Variants in TMEM117 observed in about 807,000 individuals in gnomAD.
TMEM117 encodes transmembrane protein 117.
Under a neutral mutation model 52.4 loss-of-function variants are expected in TMEM117, and 27 were observed. That is an observed-to-expected ratio of 0.51 (90% confidence interval 0.38 to 0.71). TMEM117 has a LOEUF of 0.71. Among genes scored for constraint, TMEM117 ranks in the 30% least tolerant of loss-of-function variants. TMEM117 has a pLI of 0.00. For synonymous variants in TMEM117, 215 were observed against 206.3 expected (o/e 1.04, Z -0.36); for missense variants, 556 against 630.5 (o/e 0.88, Z 1.26).
intron 3 of TMEM117, among the ~76,000 whole-genome samples, chr12:43,963,758 G>A (rs1463220459): frequency 1.3e-5 from 2 of 152,186 alleles, no homozygotes; most frequent in East Asian, 1.9e-4. Context: ...GTCATTTGTG[G>A]TAATAGTCTA....
At chr12:44,305,631 C>T (rs1950894414) in intron 6 of TMEM117, among the ~76,000 whole-genome samples, 1 of 151,862 alleles carries the variant, frequency 6.6e-6, no homozygotes, top group African/African-American at 2.4e-5. Context: ...TCAGTCTGAC[C>T]TATTATAAAA....
intron 2 of TMEM117, among the ~76,000 whole-genome samples, chr12:43,933,476 C>G (rs961175100): frequency 6.6e-6 from 1 of 152,136 alleles, no homozygotes; most frequent in African/African-American, 2.4e-5. Context: ...GCTGGGATTA[C>G]AGGCGTGAGC....
intron 3 of TMEM117, among the ~76,000 whole-genome samples, chr12:44,114,439 C>G (rs142456127): frequency 3.9e-5 from 6 of 152,194 alleles, no homozygotes; most frequent in African/African-American, 9.6e-5. Flanking sequence ...TAGTATTGGA[C>G]AAATGGTAAA....
intron 2 of TMEM117, among the ~76,000 whole-genome samples, chr12:43,912,757 A>G (rs1484653540): frequency 3.3e-5 from 5 of 151,946 alleles, no homozygotes; most frequent in Non-Finnish European, 1.5e-5. Context: ...TTCAATTAAT[A>G]TATGTGTAGC....
rs575987707 is a variant in TMEM117, at chr12:43,875,052, G to A, written c.277+30124G>A. On this transcript the variant is annotated intron_variant, in intron 2 of 7. Transcript: ENST00000266534. ...ATACAAACTGTGTTAATTATCTTCC[G>A]TAAAAAACAGGTTAGCCTCTATAAT... is the stretch of plus-strand genomic sequence containing the variant. Among the ~76,000 whole-genome samples, 34 of 152,238 alleles carry A rather than the reference G, an allele frequency of 2.2e-4. 1 individual carries two copies. The Middle Eastern group carries it at 0.01, about 46-fold the overall frequency.
At chr12:44,168,579 C>T (rs76248179) in intron 4 of TMEM117, among the ~76,000 whole-genome samples, 2,277 of 152,080 alleles carry the variant, frequency 0.015, 52 homozygotes, top group East Asian at 0.077. Flanking sequence ...TTTCTTGTGT[C>T]GGGCTATTCT....
chr12:44,236,367 C>G (rs1374470739), intron 5 of TMEM117, among the ~76,000 whole-genome samples: 1 of 152,002 alleles, frequency 6.6e-6, no homozygotes. Flanking sequence ...TTCTCCTAGC[C>G]TATTTCTAGT....
chr12:44,151,690 G>T (rs1304759176), intron 4 of TMEM117, among the ~76,000 whole-genome samples: 1 of 150,370 alleles, frequency 6.7e-6, no homozygotes, highest in East Asian at 1.9e-4. Context: ...TGTTAATATA[G>T]GCTCATATTA....
intron 6 of TMEM117, among the ~76,000 whole-genome samples, chr12:44,368,296 A>G (rs1592722505): frequency 6.6e-6 from 1 of 152,182 alleles, no homozygotes; most frequent in South Asian, 2.1e-4. Context: ...TTATCTTGCT[A>G]TTTTCTGTTT....
chr12:44,167,862 C>T (rs1236863258), intron 4 of TMEM117, among the ~76,000 whole-genome samples: 3 of 152,138 alleles, frequency 2.0e-5, no homozygotes, highest in African/African-American at 7.2e-5. Flanking sequence ...CAGTGCCCAG[C>T]ACAGTCAGAA....
chr12:44,201,690 A>C (rs1256312353), intron 4 of TMEM117, among the ~76,000 whole-genome samples: 2 of 152,190 alleles, frequency 1.3e-5, no homozygotes, highest in Admixed American at 1.3e-4. Flanking sequence ...CAGTTTCTTA[A>C]GGAAAAAATG....
chr12:44,347,846 G>A (rs1169256550), intron 6 of TMEM117, among the ~76,000 whole-genome samples: 1 of 152,018 alleles, frequency 6.6e-6, no homozygotes, highest in Non-Finnish European at 1.5e-5. Flanking sequence ...AAATCTGGCT[G>A]CATGTTATCA....
intron 3 of TMEM117, among the ~76,000 whole-genome samples, chr12:44,132,684 C>G (rs1472205942): frequency 6.6e-6 from 1 of 152,160 alleles, no homozygotes; most frequent in Non-Finnish European, 1.5e-5. Flanking sequence ...CATGTTCTGT[C>G]ATTTCTTCTC....
chr12:44,320,778 T>A (rs12317783), intron 6 of TMEM117, among the ~76,000 whole-genome samples: 5,934 of 152,288 alleles, frequency 0.039, 386 homozygotes, highest in African/African-American at 0.14. Context: ...TGGCAATTTT[T>A]AAATATTTCG....
chr12:43,916,378 A>G (rs1270403418), intron 2 of TMEM117, among the ~76,000 whole-genome samples: 1 of 152,194 alleles, frequency 6.6e-6, no homozygotes, highest in Non-Finnish European at 1.5e-5. Context: ...AGAGAACACC[A>G]CCATTAACAT....
intron 3 of TMEM117, among the ~76,000 whole-genome samples, chr12:44,090,402 A>T (rs1274668263): frequency 9.2e-3 from 204 of 22,214 alleles, no homozygotes; most frequent in African/African-American, 0.042. Flanking sequence ...CTTACTTTTT[A>T]TTTATTTATT....
At position 44,372,066 on chromosome 12, in the gene TMEM117, A is replaced by G. The variant is rs140387287; in HGVS notation, c.769-4529A>G. Among the ~76,000 whole-genome samples the G allele has an allele frequency of 4.9e-3, 749 of 152,324 alleles. 2 individuals are homozygous for G. The highest frequency in any genetic ancestry group is 0.031 in the Middle Eastern group (9 of 294). On this transcript the variant is annotated intron_variant, in intron 6 of 7. Transcript: ENST00000266534. Reference sequence around the variant, plus strand: ...AACTGATGAGAATTGGAGTAGCGTAATACCTTGTGCCTAAGTAATTCTCAC... The same window carrying G: ...AACTGATGAGAATTGGAGTAGCGTAGTACCTTGTGCCTAAGTAATTCTCAC...
At chr12:44,335,101 G>A (rs971376184) in intron 6 of TMEM117, among the ~76,000 whole-genome samples, 4 of 151,968 alleles carry the variant, frequency 2.6e-5, no homozygotes, top group Admixed American at 1.3e-4. Flanking sequence ...AGCACTGTAG[G>A]TGAGATATGG....
At chr12:44,237,090 T>C (rs912889562) in intron 5 of TMEM117, among the ~76,000 whole-genome samples, 1 of 152,102 alleles carries the variant, frequency 6.6e-6, no homozygotes, top group African/African-American at 2.4e-5. Context: ...GTTAGCTCTT[T>C]GATGCTTTTA....
Sources: gnomAD v4.1 joint callset for allele counts (sites outside exome capture counted in the v4.1 genomes callset) on GRCh38, gnomAD v4.1.1 for gene constraint, MANE v1.5 for transcripts, NCBI Gene and HGNC (gene_info 2026-07-23, HGNC 2026-07-21) for gene names.